ST3GAL4: variants seen among roughly 807,000 people sequenced by gnomAD.
The protein encoded by ST3GAL4 is ST3 beta-galactoside alpha-2,3-sialyltransferase 4, also known as CMP-N-acetylneuraminate-beta-galactosamide-alpha-2,3-sialyltransferase 4.
ST3GAL4 carries 24 observed loss-of-function variants against 42.6 expected under a neutral mutation model. The ratio of observed to expected loss-of-function variants is 0.56; its 90% confidence interval spans 0.41 to 0.79. The LOEUF (loss-of-function observed/expected upper bound fraction) is 0.79, where lower values mean the gene tolerates loss of function less well. Ranked by LOEUF, ST3GAL4 falls within the 30% of genes least tolerant of loss-of-function variation. ST3GAL4 has a pLI of 0.00. For missense variants in ST3GAL4, 311 were observed against 430.8 expected (o/e 0.72, Z 2.46); for synonymous variants, 135 against 163.2 (o/e 0.83, Z 1.32).
chr11:126,379,983 C>G lies in ST3GAL4; in HGVS notation c.-61+24141C>G, dbSNP rs375131214. On this transcript the variant is annotated intron_variant, in intron 1 of 10. Transcript: ENST00000444328. This position sits in a 1 kb window ranked among gnomAD's most constrained non-coding sequence, Gnocchi z 4.2. The stretch of plus-strand genomic sequence containing the variant: ...CTTTTACAAAAGAGCTAGTCTCGGC[C>G]GGGCACAGTGACTTGCGCCTGTAAT... 6.6e-6 allele frequency among the ~76,000 whole-genome samples: 1 copy of G among 152,052 alleles called. No homozygotes were observed. Among genetic ancestry groups the G allele is most frequent in the East Asian group, 1.9e-4 (1 of 5,184 alleles).
chr11:126,403,915 C>T (rs1256892768), intron 1 of ST3GAL4, among the ~76,000 whole-genome samples: 1 of 152,180 alleles, frequency 6.6e-6, no homozygotes, highest in Non-Finnish European at 1.5e-5. Context: ...TCAGGTCACC[C>T]ACAGATCATC....
rs777852441 is a variant in ST3GAL4 at position 126,397,877 on chromosome 11, C to G, written c.-60-8219C>G. 1.3e-5 allele frequency among the ~76,000 whole-genome samples: 2 copies of G among 152,080 alleles called. No homozygotes were observed. Among genetic ancestry groups the G allele is most frequent in the Non-Finnish European group, 2.9e-5 (2 of 68,010 alleles). ...CATTCATGAGAACAGAGCCCTTGAC[C>G]CATTCATGAGAACAGAGCCCTCATG... On this transcript the variant is annotated intron_variant, in intron 1 of 10. Coordinates refer to ENST00000444328, the MANE Select transcript of ST3GAL4 (RefSeq NM_001254757.2). This position sits in a 1 kb window ranked among gnomAD's most constrained non-coding sequence, Gnocchi z 5.0.
At chr11:126,377,290 C>T (rs1444573243) in intron 1 of ST3GAL4, among the ~76,000 whole-genome samples, 1 of 151,848 alleles carries the variant, frequency 6.6e-6, no homozygotes, top group African/African-American at 2.4e-5. Flanking sequence ...CCTGCCTCAA[C>T]CTCCTGAGTA....
Position 126,379,209 on chromosome 11 carries a change from G to A in ST3GAL4, c.-61+23367G>A, listed in dbSNP as rs557526032. Among the ~76,000 whole-genome samples the A allele has an allele frequency of 1.2e-4, 18 of 152,304 alleles. 1 individual carries two copies. The South Asian group carries it at 2.7e-3, about 23-fold the overall frequency. Reference sequence around the variant, plus strand: ...TCTTTCCATTTATCTAGAGGATTACGTAGCCACCAATTGCTTTGCTTAGTA... The same window carrying A: ...TCTTTCCATTTATCTAGAGGATTACATAGCCACCAATTGCTTTGCTTAGTA... On this transcript the variant is annotated intron_variant, in intron 1 of 10. Coordinates refer to ENST00000444328, the MANE Select transcript of ST3GAL4 (RefSeq NM_001254757.2). The surrounding 1 kb of genome is among the most constrained non-coding windows in gnomAD (Gnocchi z 4.2).
intron 1 of ST3GAL4, 173 bp from the exon 2 acceptor site, chr11:126,405,923 G>A (rs1418421465): frequency 4.0e-6 from 3 of 754,798 alleles, no homozygotes; most frequent in Non-Finnish European, 6.4e-6. Flanking sequence ...GCCGCCCTTG[G>A]AGGAGTTAGG....
rs111958228 is a variant in ST3GAL4 at position 126,391,936 on chromosome 11, C to CGTGTGTGT, written c.-60-14131_-60-14124dup. 2.1e-4 allele frequency among the ~76,000 whole-genome samples: 30 copies of CGTGTGTGT among 144,470 alleles called. No homozygotes were observed. Among genetic ancestry groups the CGTGTGTGT allele is most frequent in the African/African-American group, 3.1e-4 (12 of 38,210 alleles). The allele number at this position is 144,470 out of a possible 152,430, so 94.8% of individuals were successfully genotyped here. A position where few individuals can be genotyped will look rare whatever the true frequency, so the allele number is the denominator to read the frequency against. On this transcript the variant is annotated intron_variant, in intron 1 of 10. Transcript: ENST00000444328. This position sits in a 1 kb window ranked among gnomAD's most constrained non-coding sequence, Gnocchi z 5.5. ...CTCAGAACACCTGTGATAACTTGGT[C>CGTGTGTGT]GTGTGTGTGTGTGTGTGTGTGTGTG...
Position 126,404,439 on chromosome 11 carries a change from C to A in ST3GAL4, c.-60-1657C>A, listed in dbSNP as rs892602457. On this transcript the variant is annotated intron_variant, in intron 1 of 10. Coordinates refer to ENST00000444328, the MANE Select transcript of ST3GAL4 (RefSeq NM_001254757.2). ...GGACTAGAGCTGCGAACAGGACAGA[C>A]CCAATTCCAACCCTCACAGAGCTTA... Among the ~76,000 whole-genome samples, 4 of 152,304 alleles carry A rather than the reference C, an allele frequency of 2.6e-5. No homozygotes were observed. In the Middle Eastern group the frequency reaches 0.014, roughly 518 times the overall value.
rs550567844 is a variant in ST3GAL4 at position 126,406,721 on chromosome 11, G to A, written c.101+164G>A. 6.1e-5 allele frequency: 62 copies of A among 1,020,032 alleles called. No individual in the cohort carries two copies. The highest frequency in any genetic ancestry group is 8.6e-5 in the Non-Finnish European group (60 of 699,910). The allele number at this position is 1,020,032 out of a possible 1,614,324, so 63.2% of individuals were successfully genotyped here. Reference sequence around the variant, plus strand: ...ACGGAGTGTTTCCATGAGGGTGGGTGGGGGTAGGGCCTGGGATGTCTCACT... The same window carrying A: ...ACGGAGTGTTTCCATGAGGGTGGGTAGGGGTAGGGCCTGGGATGTCTCACT... On this transcript the variant is annotated intron_variant, in intron 3 of 10. Transcript: ENST00000444328. The surrounding 1 kb of genome is among the most constrained non-coding windows in gnomAD (Gnocchi z 5.4).
chr11:126,365,487 G>C (rs1367706616), intron 1 of ST3GAL4, among the ~76,000 whole-genome samples: 1 of 152,188 alleles, frequency 6.6e-6, no homozygotes. Flanking sequence ...TCTGCCCTGG[G>C]ATATTCCATG....
rs980450058 is a variant in ST3GAL4, at chr11:126,355,724, C to G, written c.-179C>G. The G allele has an allele frequency of 2.6e-5, 4 of 151,908 alleles. No individual in the cohort carries two copies. The highest frequency in any genetic ancestry group is 7.2e-5 in the African/African-American group (3 of 41,540). The allele number at this position is 151,908 out of a possible 1,614,324, so 9.4% of individuals were successfully genotyped here. On this transcript the variant is annotated 5_prime_UTR_variant, in exon 1 of 11. Transcript: ENST00000444328. This position sits in a 1 kb window ranked among gnomAD's most constrained non-coding sequence, Gnocchi z 7.1. ...CCCGCTCCCAGGCCGGACCCGCGCC[C>G]GGGACAGGGACCCGGCCGAGTCGAG...
rs924499536 is a variant in ST3GAL4 at position 126,406,121 on chromosome 11, G to A, written c.-35G>A. The A allele has an allele frequency of 1.3e-6, 2 of 1,552,238 alleles. No homozygotes were observed. The highest frequency in any genetic ancestry group is 1.7e-6 in the Non-Finnish European group (2 of 1,147,286). The stretch of plus-strand genomic sequence containing the variant: ...GTGGCCCGAGGCAGCCGGGATGACA[G>A]CTCTCCCCAGGAATCCTGCTGCCTG... On this transcript the variant is annotated 5_prime_UTR_variant, in exon 2 of 11. Coordinates refer to ENST00000444328, the MANE Select transcript of ST3GAL4 (RefSeq NM_001254757.2). This position sits in a 1 kb window ranked among gnomAD's most constrained non-coding sequence, Gnocchi z 5.4.
In ST3GAL4 at chr11:126,397,401, G is replaced by A. The variant is rs1953827588; in HGVS notation, c.-60-8695G>A. Reference sequence around the variant, plus strand: ...AATGTCTCCAATCTCAGAGGTCATGGGATAGTGGGCAAGACATGAAAACCT... The same window carrying A: ...AATGTCTCCAATCTCAGAGGTCATGAGATAGTGGGCAAGACATGAAAACCT... On this transcript the variant is annotated intron_variant, in intron 1 of 10. Coordinates refer to ENST00000444328, the MANE Select transcript of ST3GAL4 (RefSeq NM_001254757.2). This position sits in a 1 kb window ranked among gnomAD's most constrained non-coding sequence, Gnocchi z 5.0. 6.6e-6 allele frequency among the ~76,000 whole-genome samples: 1 copy of A among 152,008 alleles called. No homozygotes were observed. The highest frequency in any genetic ancestry group is 1.5e-5 in the Non-Finnish European group (1 of 68,028).
intron 1 of ST3GAL4, among the ~76,000 whole-genome samples, chr11:126,362,097 G>T (rs1331520668): frequency 1.3e-5 from 2 of 151,526 alleles, no homozygotes; most frequent in African/African-American, 4.9e-5. Context: ...GGCCAGGCTG[G>T]TCTCAAACTC....
At chr11:126,405,416 T>A (rs1192551815) in intron 1 of ST3GAL4, among the ~76,000 whole-genome samples, 2 of 152,162 alleles carry the variant, frequency 1.3e-5, no homozygotes, top group African/African-American at 4.8e-5. Flanking sequence ...CCCTCCCAGC[T>A]CCCTGTGCTC....
chr11:126,377,855 T>A (rs1952877362), intron 1 of ST3GAL4, among the ~76,000 whole-genome samples: 1 of 152,364 alleles, frequency 6.6e-6, no homozygotes, highest in South Asian at 2.1e-4. Context: ...TATTGTACAG[T>A]ACTACTGAGG....
At chr11:126,399,971 C>T (rs901115287) in intron 1 of ST3GAL4, among the ~76,000 whole-genome samples, 1 of 152,140 alleles carries the variant, frequency 6.6e-6, no homozygotes, top group Non-Finnish European at 1.5e-5. Flanking sequence ...ATCTTCTAAT[C>T]CCGCTTTATT....
chr11:126,371,163 C>CTTATTTTTTTTTTTTTT lies in ST3GAL4; in HGVS notation c.-61+15323_-61+15324insATTTTTTTTTTTTTTTT, dbSNP rs1555082244. ...ATCTATTCTATTCTTCCCCACATTC[C>CTTATTTTTTTTTTTTTT]TTTTTTTTTTTTTTTTTTTGAGATG... On this transcript the variant is annotated intron_variant, in intron 1 of 10. Transcript: ENST00000444328. 2.2e-4 allele frequency among the ~76,000 whole-genome samples: 13 copies of CTTATTTTTTTTTTTTTT among 59,964 alleles called. 1 individual carries two copies. Among genetic ancestry groups the CTTATTTTTTTTTTTTTT allele is most frequent in the South Asian group, 1.7e-3 (2 of 1,148 alleles). 39.3% of individuals were successfully genotyped at this position (59,964 alleles called of 152,430 possible).
intron 1 of ST3GAL4, among the ~76,000 whole-genome samples, chr11:126,372,023 A>G (rs913290013): frequency 1.3e-4 from 20 of 151,916 alleles, no homozygotes; most frequent in African/African-American, 4.6e-4. Flanking sequence ...TATTCCTTTG[A>G]TTGTTTTGGT....
intron 1 of ST3GAL4, among the ~76,000 whole-genome samples, chr11:126,367,360 C>T (rs1409266488): frequency 6.6e-6 from 1 of 152,182 alleles, no homozygotes; most frequent in East Asian, 1.9e-4. Context: ...TGCCTGTCTC[C>T]CTGGCCGTGG....
Sources: gnomAD v4.1 joint callset for allele counts (sites outside exome capture counted in the v4.1 genomes callset) on GRCh38, gnomAD v4.1.1 for gene constraint, Gnocchi (gnomAD v3.1) non-coding constraint, MANE v1.5 for transcripts, NCBI Gene and HGNC (gene_info 2026-07-23, HGNC 2026-07-21) for gene names.